Variants in GIGYF2 observed in about 807,000 individuals in gnomAD.
GIGYF2 encodes the protein GRB10 interacting GYF protein 2.
A neutral mutation model predicts 208.1 loss-of-function variants in GIGYF2; 25 were observed. The observed-to-expected ratio is 0.12, with a 90% CI of 0.09 to 0.17. The LOEUF (loss-of-function observed/expected upper bound fraction) is 0.17, where lower values mean the gene tolerates loss of function less well. Ranked by LOEUF, GIGYF2 falls within the 10% of genes least tolerant of loss-of-function variation. The pLI is 1.00. For synonymous variants in GIGYF2, 534 were observed against 543.8 expected (o/e 0.98, Z 0.25); for missense variants, 1,302 against 1,579.4 (o/e 0.82, Z 2.98).
intron 2 of GIGYF2, chr2:232,730,019 C>A: frequency 1.3e-6 from 1 of 798,290 alleles, no homozygotes; most frequent in Non-Finnish European, 2.2e-6. Context: ...TTTCGTAAGA[C>A]TTGATGTGAT....
chr2:232,816,418 C>T (rs1040427840), intron 19 of GIGYF2, among the ~76,000 whole-genome samples: 2 of 152,096 alleles, frequency 1.3e-5, no homozygotes, highest in South Asian at 2.1e-4. Flanking sequence ...GCTGTTAAAA[C>T]GTTATAGCCA....
chr2:232,753,671 C>T (rs1025662656), intron 5 of GIGYF2, among the ~76,000 whole-genome samples: 1 of 152,034 alleles, frequency 6.6e-6, no homozygotes, highest in Non-Finnish European at 1.5e-5. Context: ...TGCAGTCACC[C>T]GTGAGGTAGA....
In GIGYF2 at chr2:232,857,151, G is replaced by T. The variant is rs1329983461; in HGVS notation, c.*291G>T. On this transcript the variant is annotated 3_prime_UTR_variant, in exon 29 of 29. Transcript: ENST00000373563. ...AGGCAGCATGTGTTCACTGTGCTGTGATTTCATCTACTGTCTCCCAGAAAG... is the reference window on the plus strand; with the variant it reads ...AGGCAGCATGTGTTCACTGTGCTGTTATTTCATCTACTGTCTCCCAGAAAG... The T allele has an allele frequency of 4.0e-6, 2 of 495,110 alleles. No homozygotes were observed. The highest frequency in any genetic ancestry group is 7.3e-6 in the Non-Finnish European group (2 of 272,130). 30.7% of individuals were successfully genotyped at this position (495,110 alleles called of 1,614,324 possible).
chr2:232,721,611 T>C (rs1367266589), intron 2 of GIGYF2, among the ~76,000 whole-genome samples: 1 of 152,180 alleles, frequency 6.6e-6, no homozygotes, highest in African/African-American at 2.4e-5. Flanking sequence ...TTCCTTAATA[T>C]CCTTTCACAC....
At chr2:232,711,705 G>GTATGTATATATATATATATATATA (rs1553604498) in intron 2 of GIGYF2, among the ~76,000 whole-genome samples, 15 of 115,762 alleles carry the variant, frequency 1.3e-4, no homozygotes, top group Non-Finnish European at 1.8e-4. Context: ...TCACAATGAT[G>GTATGTATATATATATATATATATA]TATATATATA....
At chr2:232,771,890 G>A (rs1191449352) in intron 8 of GIGYF2, among the ~76,000 whole-genome samples, 1 of 152,214 alleles carries the variant, frequency 6.6e-6, no homozygotes, top group Non-Finnish European at 1.5e-5. Context: ...TTTGAAGCCA[G>A]ATTTAGTATA....
At chr2:232,779,541 T>C (rs1185093063) in intron 8 of GIGYF2, among the ~76,000 whole-genome samples, 2 of 152,218 alleles carry the variant, frequency 1.3e-5, no homozygotes, top group African/African-American at 4.8e-5. Flanking sequence ...TGTACTTGGC[T>C]TTCTTTTGAA....
chr2:232,760,487 C>T lies in GIGYF2; in HGVS notation c.387C>T (p.Gly129=), dbSNP rs1303968843. ...CTGTTTTCTTATTTTCAGGCAGAGG[C>T]AGAGGTGAATGTGGTTTCTACCAAA... ...GRSSSRGRGR[G]RGECGFYQRS... Residue 129 remains glycine (G), a synonymous_variant, in exon 7 of 29, where the codon GGC becomes GGT. Coordinates refer to ENST00000373563, the MANE Select transcript of GIGYF2 (RefSeq NM_001103146.3). 6.2e-7 allele frequency: 1 copy of T among 1,608,720 alleles called. No individual in the cohort carries two copies. The highest frequency in any genetic ancestry group is 8.5e-7 in the Non-Finnish European group (1 of 1,175,538).
At position 232,829,203 on chromosome 2, in the gene GIGYF2, C is replaced by T. The variant is rs138622483; in HGVS notation, c.2530-3654C>T. Among the ~76,000 whole-genome samples the T allele has an allele frequency of 3.7e-3, 568 of 152,236 alleles. 6 individuals carry two copies. The highest frequency in any genetic ancestry group is 4.8e-3 in the Non-Finnish European group (327 of 68,006). On this transcript the variant is annotated intron_variant, in intron 21 of 28. Transcript: ENST00000373563. ...GAGGCTCTATTACTACTTGCATATACATTTATATAGTTCTGTCTTCTTAGT... is the reference window on the plus strand; with the variant it reads ...GAGGCTCTATTACTACTTGCATATATATTTATATAGTTCTGTCTTCTTAGT...
chr2:232,811,042 CTA>C, intron 16 of GIGYF2, 200 bp from the exon 17 acceptor site: 2 of 534,070 alleles, frequency 3.7e-6, no homozygotes, highest in Non-Finnish European at 6.7e-6. Flanking sequence ...AACACGCCAT[CTA>C]TGAGTTCAGT....
chr2:232,837,545 C>T (rs1701677725), intron 22 of GIGYF2, among the ~76,000 whole-genome samples: 1 of 152,126 alleles, frequency 6.6e-6, no homozygotes. Context: ...ACCTCCGCCT[C>T]CTGAGTTCAA....
chr2:232,708,205 C>A (rs1250488754), intron 2 of GIGYF2, among the ~76,000 whole-genome samples: 1 of 152,156 alleles, frequency 6.6e-6, no homozygotes, highest in Non-Finnish European at 1.5e-5. Context: ...AGCTATCCTC[C>A]CGCCTTGGTC....
chr2:232,849,684 C>T (rs887745789), intron 27 of GIGYF2, among the ~76,000 whole-genome samples: 3 of 152,194 alleles, frequency 2.0e-5, no homozygotes, highest in African/African-American at 7.2e-5. Context: ...TCAACTGGCT[C>T]ATTGGCTAAT....
At chr2:232,851,030 T>G (rs554958242) in intron 28 of GIGYF2, among the ~76,000 whole-genome samples, 1 of 152,288 alleles carries the variant, frequency 6.6e-6, no homozygotes, top group Non-Finnish European at 1.5e-5. Context: ...GCTATTTTTA[T>G]CTAGCATTAT....
chr2:232,729,931 T>C, intron 2 of GIGYF2: 1 of 735,158 alleles, frequency 1.4e-6, no homozygotes, highest in Non-Finnish European at 2.5e-6. Flanking sequence ...TTAGCTCCTC[T>C]TCCTATAGTG....
intron 15 of GIGYF2, among the ~76,000 whole-genome samples, chr2:232,808,262 AG>A (rs952862560): frequency 2.8e-4 from 42 of 152,226 alleles, no homozygotes; most frequent in African/African-American, 9.6e-4. Flanking sequence ...ATCAAGTTTA[AG>A]CCTTATTTCC....
intron 2 of GIGYF2, among the ~76,000 whole-genome samples, chr2:232,725,904 A>G (rs1443208147): frequency 5.9e-5 from 9 of 152,196 alleles, no homozygotes; most frequent in Admixed American, 5.2e-4. Context: ...CCTTATTTAT[A>G]TATTTCTGTA....
At chr2:232,846,209 T>C (rs575995854) in intron 26 of GIGYF2, among the ~76,000 whole-genome samples, 1 of 152,288 alleles carries the variant, frequency 6.6e-6, no homozygotes, top group South Asian at 2.1e-4. Flanking sequence ...TTAAAAAAAG[T>C]AACTCTCATG....
intron 20 of GIGYF2, among the ~76,000 whole-genome samples, chr2:232,818,374 C>T (rs1351981667): frequency 1.3e-5 from 2 of 152,096 alleles, no homozygotes; most frequent in East Asian, 1.9e-4. Context: ...TTATTTTTCC[C>T]CTAGAAAGTA....
Sources: gnomAD v4.1 joint callset for allele counts (sites outside exome capture counted in the v4.1 genomes callset) on GRCh38, gnomAD v4.1.1 for gene constraint, MANE v1.5 for transcripts, NCBI Gene and HGNC (gene_info 2026-07-23, HGNC 2026-07-21) for gene names.